The following METTL24 variants were observed in gnomAD, a reference collection of about 807,000 sequenced individuals.
METTL24 encodes the protein methyltransferase like 24.
In METTL24, 29 loss-of-function variants were observed where a neutral mutation model predicts 32.7. The ratio of observed to expected loss-of-function variants is 0.89; its 90% confidence interval spans 0.66 to 1.21. The LOEUF is 1.21. METTL24 is among the 50% of genes most tolerant of loss of function. METTL24 has a pLI of 0.00. For synonymous variants in METTL24, 163 were observed against 179.5 expected (o/e 0.91, Z 0.73); for missense variants, 439 against 468.1 (o/e 0.94, Z 0.57).
intron 4 of METTL24, among the ~76,000 whole-genome samples, chr6:110,273,726 G>C (rs991506661): frequency 6.6e-6 from 1 of 152,162 alleles, no homozygotes; most frequent in Non-Finnish European, 1.5e-5. Context: ...AAAAGTAATA[G>C]ATGTTGGCAT....
At chr6:110,344,719 G>A (rs992726232) in intron 1 of METTL24, among the ~76,000 whole-genome samples, 3 of 152,098 alleles carry the variant, frequency 2.0e-5, no homozygotes, top group African/African-American at 7.2e-5. Context: ...GGCATAACTG[G>A]CTAGCCATAT....
chr6:110,275,941 T>A (rs925054722), intron 4 of METTL24, among the ~76,000 whole-genome samples: 88 of 152,218 alleles, frequency 5.8e-4, no homozygotes, highest in Middle Eastern at 3.4e-3. Context: ...TCCCCAAGTG[T>A]CTCTCCTTTC....
intron 4 of METTL24, among the ~76,000 whole-genome samples, chr6:110,294,662 C>G (rs1377727629): frequency 1.3e-5 from 2 of 151,922 alleles, no homozygotes; most frequent in Non-Finnish European, 2.9e-5. Flanking sequence ...CTCTTATAAG[C>G]TATACATAAA....
chr6:110,269,258 A>G (rs1331445828), intron 4 of METTL24, among the ~76,000 whole-genome samples: 1 of 152,244 alleles, frequency 6.6e-6, no homozygotes, highest in Non-Finnish European at 1.5e-5. Flanking sequence ...TATTCTATCT[A>G]CTTTAGAAAA....
chr6:110,251,735 G>A (rs950822314), intron 4 of METTL24, among the ~76,000 whole-genome samples: 10 of 152,138 alleles, frequency 6.6e-5, no homozygotes. Flanking sequence ...AAGGATGGAA[G>A]GGGAGTAAAC....
In METTL24 at chr6:110,322,765, A is replaced by G. The variant is rs1276316375; in HGVS notation, c.417+9T>C. On this transcript the variant is annotated intron_variant, in intron 2 of 4. Transcript: ENST00000338882. The stretch of plus-strand genomic sequence containing the variant: ...TTCTTCTCTAACTTCTTTGAGCCTG[A>G]AACACAACCTGGGTGGTGCTGATAT... 9 of 1,608,352 alleles carry G rather than the reference A, an allele frequency of 5.6e-6. No individual in the cohort carries two copies. The highest frequency in any genetic ancestry group is 1.3e-5 in the African/African-American group (1 of 74,762).
chr6:110,302,652 T>A (rs1440823645), intron 3 of METTL24, among the ~76,000 whole-genome samples: 1 of 142,990 alleles, frequency 7.0e-6, no homozygotes, highest in African/African-American at 2.8e-5. Context: ...TATGTGTATA[T>A]ATATACACAT....
At chr6:110,330,754 G>A (rs1476196324) in intron 1 of METTL24, among the ~76,000 whole-genome samples, 1 of 152,162 alleles carries the variant, frequency 6.6e-6, no homozygotes, top group East Asian at 1.9e-4. Flanking sequence ...GGAGGCTGGT[G>A]GGAACTTGAG....
intron 1 of METTL24, among the ~76,000 whole-genome samples, chr6:110,329,824 T>G (rs1772082180): frequency 6.6e-6 from 1 of 152,190 alleles, no homozygotes; most frequent in African/African-American, 2.4e-5. Flanking sequence ...GGATCTCAGT[T>G]TCCGTTCTGG....
At chr6:110,350,373 T>C (rs1313468442) in intron 1 of METTL24, among the ~76,000 whole-genome samples, 1 of 152,142 alleles carries the variant, frequency 6.6e-6, no homozygotes, top group Admixed American at 6.5e-5. Flanking sequence ...TAGTTTCAGT[T>C]GGGTCTGCCA....
At chr6:110,332,429 A>C in intron 1 of METTL24, 1 of 786,436 alleles carries the variant, frequency 1.3e-6, no homozygotes, top group Non-Finnish European at 1.5e-6. Context: ...GTAAAAACAG[A>C]AGCCATATAC....
At chr6:110,320,951 A>T (rs978153099) in intron 2 of METTL24, among the ~76,000 whole-genome samples, 1 of 152,066 alleles carries the variant, frequency 6.6e-6, no homozygotes, top group Admixed American at 6.6e-5. Flanking sequence ...AAAAAAAAAA[A>T]TTTGGCCAGG....
intron 4 of METTL24, among the ~76,000 whole-genome samples, chr6:110,262,439 G>C (rs2114700875): frequency 1.3e-5 from 2 of 152,174 alleles, no homozygotes; most frequent in Middle Eastern, 6.8e-3. Flanking sequence ...TCACTGAATA[G>C]ACCAATAACA....
At chr6:110,326,974 C>G (rs1772028070) in intron 1 of METTL24, among the ~76,000 whole-genome samples, 2 of 152,180 alleles carry the variant, frequency 1.3e-5, no homozygotes, top group African/African-American at 4.8e-5. Flanking sequence ...TGAGACTTGA[C>G]CAAGGAGTCA....
chr6:110,281,711 A>G (rs182100584), intron 4 of METTL24, among the ~76,000 whole-genome samples: 2 of 151,810 alleles, frequency 1.3e-5, no homozygotes, highest in Non-Finnish European at 2.9e-5. Context: ...CAGCAACACC[A>G]CTTTCATGTA....
At chr6:110,254,934 T>C (rs1275870746) in intron 4 of METTL24, among the ~76,000 whole-genome samples, 1 of 152,172 alleles carries the variant, frequency 6.6e-6, no homozygotes, top group East Asian at 1.9e-4. Context: ...AAAAATAGAA[T>C]AAATTAATCT....
At chr6:110,337,488 C>G (rs895704260) in intron 1 of METTL24, among the ~76,000 whole-genome samples, 1 of 152,082 alleles carries the variant, frequency 6.6e-6, no homozygotes, top group East Asian at 1.9e-4. Context: ...TGAATGTACC[C>G]CTACAGCACT....
At chr6:110,262,042 T>A (rs1770743479) in intron 4 of METTL24, among the ~76,000 whole-genome samples, 4 of 151,770 alleles carry the variant, frequency 2.6e-5, no homozygotes, top group Admixed American at 1.3e-4. Context: ...CACCCTAACA[T>A]CACAATTAAA....
intron 1 of METTL24, among the ~76,000 whole-genome samples, chr6:110,353,713 A>G (rs1372274955): frequency 6.6e-6 from 1 of 152,062 alleles, no homozygotes; most frequent in Non-Finnish European, 1.5e-5. Flanking sequence ...GAGAGATGAA[A>G]CTTTTTCGGG....
Sources: allele counts gnomAD v4.1 joint callset (sites outside exome capture counted in the v4.1 genomes callset), GRCh38; gene constraint gnomAD v4.1.1; transcripts MANE v1.5; gene names NCBI Gene and HGNC (gene_info 2026-07-23, HGNC 2026-07-21).